HPSE2: variants seen among roughly 807,000 people sequenced by gnomAD.
The protein encoded by HPSE2 is heparanase 2 (inactive), also known as inactive heparanase-2.
In HPSE2, 38 loss-of-function variants were observed where a neutral mutation model predicts 60.5. That is an observed-to-expected ratio of 0.63 (90% CI 0.48 to 0.82). The LOEUF is 0.82. Ranked by LOEUF, HPSE2 falls within the 40% of genes least tolerant of loss-of-function variation. The probability of loss-of-function intolerance (pLI) is 0.00; values close to 1 mark genes in which losing one functional copy is unlikely to be tolerated. For missense variants in HPSE2, 713 were observed against 740.4 expected (o/e 0.96, Z 0.43); for synonymous variants, 295 against 293.2 (o/e 1.01, Z -0.06).
chr10:98,755,422 T>A (rs1259361839), intron 3 of HPSE2, among the ~76,000 whole-genome samples: 1 of 152,068 alleles, frequency 6.6e-6, no homozygotes, highest in African/African-American at 2.4e-5. Flanking sequence ...ACAATAATAA[T>A]GGGAAACTTC....
chr10:98,856,253 A>G (rs2134755705), intron 3 of HPSE2, among the ~76,000 whole-genome samples: 1 of 152,334 alleles, frequency 6.6e-6, no homozygotes, highest in African/African-American at 2.4e-5. Flanking sequence ...AATCAATAAA[A>G]TAAGTCTCAG....
chr10:98,993,267 C>A (rs1288402195), intron 3 of HPSE2, among the ~76,000 whole-genome samples: 5 of 152,238 alleles, frequency 3.3e-5, no homozygotes, highest in Admixed American at 2.6e-4. Flanking sequence ...GGCATCTGAG[C>A]CAGAGAGAAC....
chr10:98,832,289 G>A (rs1951700711), intron 3 of HPSE2, among the ~76,000 whole-genome samples: 1 of 152,166 alleles, frequency 6.6e-6, no homozygotes, highest in South Asian at 2.1e-4. Context: ...CACGAAGCTT[G>A]GAATATATTT....
intron 11 of HPSE2, 57 bp from the exon 12 acceptor site, chr10:98,459,796 A>G (rs1375982183): frequency 3.9e-6 from 6 of 1,526,108 alleles, no homozygotes; most frequent in Non-Finnish European, 5.4e-6. Flanking sequence ...GAGCCACTGC[A>G]ACAAAGCCTA....
rs573558656 is a variant in HPSE2, at chr10:98,537,827, C to T, written c.1321-47631G>A. Among the ~76,000 whole-genome samples, 5 of 152,348 alleles carry T rather than the reference C, an allele frequency of 3.3e-5. No homozygotes were observed. In the South Asian group the frequency reaches 8.3e-4, roughly 25 times the overall value. On this transcript the variant is annotated intron_variant, in intron 9 of 11. Transcript: ENST00000370552. ...CTGCAGTCATCCGGAGGCCTAAACCCCTCCCTGCGGTGCTGTGCTTCAGTG... is the reference window on the plus strand; with the variant it reads ...CTGCAGTCATCCGGAGGCCTAAACCTCTCCCTGCGGTGCTGTGCTTCAGTG...
intron 9 of HPSE2, among the ~76,000 whole-genome samples, chr10:98,525,919 G>T (rs184641880): frequency 6.6e-6 from 1 of 152,156 alleles, no homozygotes; most frequent in Non-Finnish European, 1.5e-5. Context: ...TAACAGCACC[G>T]ATCCTGTATA....
At chr10:98,875,326 A>T (rs1337824222) in intron 3 of HPSE2, among the ~76,000 whole-genome samples, 2 of 152,098 alleles carry the variant, frequency 1.3e-5, no homozygotes, top group Non-Finnish European at 2.9e-5. Context: ...TAGTCACAAT[A>T]AAAAATGATA....
intron 11 of HPSE2, among the ~76,000 whole-genome samples, chr10:98,476,808 G>A (rs207471299): frequency 2.6e-5 from 4 of 151,960 alleles, no homozygotes; most frequent in East Asian, 1.9e-4. Context: ...GGGGCGGGAC[G>A]GTCTGAATTC....
At chr10:98,583,287 T>C (rs1016456257) in intron 9 of HPSE2, among the ~76,000 whole-genome samples, 1 of 152,234 alleles carries the variant, frequency 6.6e-6, no homozygotes, top group Admixed American at 6.5e-5. Flanking sequence ...TTAGAGGGTA[T>C]TTAAACCCCA....
intron 3 of HPSE2, among the ~76,000 whole-genome samples, chr10:99,027,774 C>A (rs1957412680): frequency 6.8e-6 from 1 of 146,190 alleles, no homozygotes; most frequent in African/African-American, 2.5e-5. Flanking sequence ...TACTAGTAAA[C>A]CAAACTCAAC....
chr10:98,824,099 G>A (rs1169028908), intron 3 of HPSE2, among the ~76,000 whole-genome samples: 1 of 152,074 alleles, frequency 6.6e-6, no homozygotes, highest in African/African-American at 2.4e-5. Context: ...TAGTTCAAAA[G>A]GGAAATTGGA....
rs755165719 is a variant in HPSE2, at chr10:99,144,340, G to A, written c.508C>T (p.Pro170Ser). 1 of 1,613,860 alleles carries A rather than the reference G, an allele frequency of 6.2e-7. No homozygotes were observed. The highest frequency in any genetic ancestry group is 2.2e-5 in the East Asian group (1 of 44,884). The change falls in exon 3 of 12, where the codon CCT becomes TCT. Residue 170 changes from proline (P) to serine (S), a missense_variant. Transcript: ENST00000370552. ...KQKGCKIAQH[P>S]DVMLELQREK... ...CTTTGGAGCTCCAGCATAACATCAG[G>A]GTGCTGGGCAATCTTGCAGCCTTTC...
intron 9 of HPSE2, among the ~76,000 whole-genome samples, chr10:98,547,968 C>A (rs480584): frequency 0.046 from 6,985 of 152,062 alleles, 170 homozygotes; most frequent in South Asian, 0.083. Flanking sequence ...TCTTCTTCTA[C>A]AATAATTCAA....
chr10:99,281,166 T>C, the HPSE2 span, among the ~76,000 whole-genome samples: 1 of 149,986 alleles, frequency 6.7e-6, no homozygotes, highest in Admixed American at 6.7e-5. Context: ...TGTTAAACAA[T>C]AACTTATTAA....
chr10:98,944,913 T>C (rs1187892735), intron 3 of HPSE2, among the ~76,000 whole-genome samples: 1 of 152,170 alleles, frequency 6.6e-6, no homozygotes, highest in African/African-American at 2.4e-5. Context: ...GCACTATTCA[T>C]TTTAATAACC....
At chr10:98,898,505 T>C (rs372449583) in intron 3 of HPSE2, among the ~76,000 whole-genome samples, 23 of 152,286 alleles carry the variant, frequency 1.5e-4, no homozygotes, top group African/African-American at 5.5e-4. Flanking sequence ...ATTCCAAATA[T>C]ATGACATTCT....
chr10:98,607,047 T>TTTTC, intron 9 of HPSE2, among the ~76,000 whole-genome samples: 1 of 150,166 alleles, frequency 6.7e-6, no homozygotes, highest in Middle Eastern at 3.4e-3. Context: ...TTTCCTTTCT[T>TTTTC]TTTCTTTCTC....
chr10:99,135,777 T>C (rs558719322), intron 3 of HPSE2, among the ~76,000 whole-genome samples: 141 of 152,168 alleles, frequency 9.3e-4, no homozygotes, highest in Non-Finnish European at 1.7e-3. Flanking sequence ...ACAATTTAAA[T>C]TCTTTTAATT....
At chr10:99,179,435 G>T (rs1847667528) in intron 2 of HPSE2, among the ~76,000 whole-genome samples, 1 of 152,080 alleles carries the variant, frequency 6.6e-6, no homozygotes, top group African/African-American at 2.4e-5. Context: ...AAATCAATGT[G>T]CAAAAATCAC....
Sources: gnomAD v4.1 joint callset for allele counts (sites outside exome capture counted in the v4.1 genomes callset) on GRCh38, gnomAD v4.1.1 for gene constraint, MANE v1.5 for transcripts, NCBI Gene and HGNC (gene_info 2026-07-23, HGNC 2026-07-21) for gene names.